The following SF3B1 variants were observed in gnomAD, a reference collection of about 807,000 sequenced individuals.
The protein encoded by SF3B1 is pre-mRNA processing 10.
A neutral mutation model predicts 153.8 loss-of-function variants in SF3B1; 12 were observed. The ratio of observed to expected loss-of-function variants is 0.08; its 90% CI spans 0.05 to 0.13. The LOEUF (loss-of-function observed/expected upper bound fraction) is 0.13, where lower values mean the gene tolerates loss of function less well. Ranked by LOEUF, SF3B1 falls within the 10% of genes least tolerant of loss-of-function variation. The pLI is 1.00. For missense variants in SF3B1, 513 were observed against 1,606.1 expected (o/e 0.32, Z 11.63); for synonymous variants, 498 against 525.2 (o/e 0.95, Z 0.71).
Position 197,392,141 on chromosome 2 carries a change from A to C in SF3B1, c.*162T>G, listed in dbSNP as rs1296920994. On this transcript the variant is annotated 3_prime_UTR_variant, in exon 25 of 25. Transcript: ENST00000335508. ...ACTGGCATTTACTGTTTAACATCAA[A>C]AACAAAGACAGGTTATTTAAAAATC... The C allele has an allele frequency of 2.2e-6, 1 of 456,220 alleles. No homozygotes were observed. Among genetic ancestry groups the C allele is most frequent in the Non-Finnish European group, 3.9e-6 (1 of 258,058 alleles). The allele number at this position is 456,220 out of a possible 1,614,324, so 28.3% of individuals were successfully genotyped here.
In SF3B1 at chr2:197,389,961, A is replaced by C. The variant is rs982973932; in HGVS notation, c.*2342T>G. 9 of 152,270 alleles carry C rather than the reference A, an allele frequency of 5.9e-5. No individual in the cohort carries two copies. The East Asian group carries it at 1.7e-3, about 29-fold the overall frequency. The allele number at this position is 152,270 out of a possible 1,614,324, so 9.4% of individuals were successfully genotyped here. On this transcript the variant is annotated 3_prime_UTR_variant, in exon 25 of 25. Transcript: ENST00000335508. ...ACAGAAAAACCCACCCTGTCTCCTT[A>C]AGAACATTTCTTTGTTTGGCTTTAA... is the stretch of plus-strand genomic sequence containing the variant.
rs2084807616 is a variant in SF3B1 at position 197,391,366 on chromosome 2, G to C, written c.*937C>G. On this transcript the variant is annotated 3_prime_UTR_variant, in exon 25 of 25. Transcript: ENST00000335508. ...CCTTCTCCATTATACTGTTCTTAAA[G>C]GTAGAGGGCAGGTCTCATGCACCTT... The C allele has an allele frequency of 6.6e-6, 1 of 152,174 alleles. No homozygotes were observed. Among genetic ancestry groups the C allele is most frequent in the Non-Finnish European group, 1.5e-5 (1 of 68,034 alleles). The allele number at this position is 152,174 out of a possible 1,614,324, so 9.4% of individuals were successfully genotyped here. A position where few individuals can be genotyped will look rare whatever the true frequency, so the allele number is the denominator to read the frequency against.
chr2:197,408,383 G>GC lies in SF3B1; in HGVS notation c.1102dup (p.Ala368GlyfsTer14). 6.2e-7 allele frequency: 1 copy of GC among 1,614,038 alleles called. No individual in the cohort carries two copies. The highest frequency in any genetic ancestry group is 8.5e-7 in the Non-Finnish European group (1 of 1,179,892). ...GACAGTTCTACCTGGAGTAGGGGTAGCCATGTTCATGGCTGGTGTGCCAAT... is the reference window on the plus strand; with the variant it reads ...GACAGTTCTACCTGGAGTAGGGGTAGCCCATGTTCATGGCTGGTGTGCCAAT... On this transcript the variant is annotated frameshift_variant, in exon 8 of 25. Coordinates refer to ENST00000335508, the MANE Select transcript of SF3B1 (RefSeq NM_012433.4). LOFTEE classifies it high-confidence loss of function.
chr2:197,412,497 A>G (rs2085084719), intron 6 of SF3B1, among the ~76,000 whole-genome samples: 1 of 151,496 alleles, frequency 6.6e-6, no homozygotes, highest in Non-Finnish European at 1.5e-5. Context: ...CTGGGATTAC[A>G]GGTGCCTGCC....
rs1373200379 is a variant in SF3B1 at position 197,391,611 on chromosome 2, A to G, written c.*692T>C. On this transcript the variant is annotated 3_prime_UTR_variant, in exon 25 of 25. Coordinates refer to ENST00000335508, the MANE Select transcript of SF3B1 (RefSeq NM_012433.4). ...ACACAGCAGACCTGTCAAGTGTTGG[A>G]CAAGACTTAAACCACTTTCTTTAAA... is the stretch of plus-strand genomic sequence containing the variant. The G allele has an allele frequency of 1.3e-5, 2 of 152,260 alleles. No homozygotes were observed. The highest frequency in any genetic ancestry group is 4.8e-5 in the African/African-American group (2 of 41,476). The allele number at this position is 152,260 out of a possible 1,614,324, so 9.4% of individuals were successfully genotyped here.
chr2:197,410,941 T>C (rs2085058582), intron 6 of SF3B1, among the ~76,000 whole-genome samples: 1 of 152,170 alleles, frequency 6.6e-6, no homozygotes, highest in African/African-American at 2.4e-5. Flanking sequence ...GAGAGGTGGA[T>C]TTTCATTTGT....
In SF3B1 at chr2:197,411,331, G is replaced by GT. The variant is rs555745253; in HGVS notation, c.667-1325dup. 4.6e-5 allele frequency among the ~76,000 whole-genome samples: 7 copies of GT among 152,266 alleles called. No individual in the cohort carries two copies. In the South Asian group the frequency reaches 1.4e-3, roughly 32 times the overall value. ...AAAATTTGTACTTATATACTGCCTC[G>GT]TAAGTATTCCACAGGATGTGTAATG... On this transcript the variant is annotated intron_variant, in intron 6 of 24. Transcript: ENST00000335508.
At chr2:197,419,754 C>T in intron 4 of SF3B1, 2 of 222,406 alleles carry the variant, frequency 9.0e-6, no homozygotes, top group East Asian at 6.6e-5. Context: ...CTAATTCATG[C>T]AGGCTGAAAA....
chr2:197,396,331 G>T lies in SF3B1; in HGVS notation c.3267-3C>A. Reference sequence around the variant, plus strand: ...GTGTAGCCAATACATCATGAGGGCTGAAAAAAACAAATGGGTCAACAAGCT... The same window carrying T: ...GTGTAGCCAATACATCATGAGGGCTTAAAAAAACAAATGGGTCAACAAGCT... On this transcript the variant is annotated splice_polypyrimidine_tract_variant and splice_region_variant and intron_variant, in intron 22 of 24. Transcript: ENST00000335508. 6.3e-7 allele frequency: 1 copy of T among 1,594,656 alleles called. No individual in the cohort carries two copies. The highest frequency in any genetic ancestry group is 1.1e-5 in the South Asian group (1 of 88,614).
intron 1 of SF3B1, among the ~76,000 whole-genome samples, chr2:197,430,255 G>A (rs1317247301): frequency 2.0e-5 from 3 of 152,100 alleles, no homozygotes; most frequent in African/African-American, 7.2e-5. Flanking sequence ...TGTAATCATG[G>A]TATTATCTTT....
chr2:197,416,565 C>T, intron 6 of SF3B1, 176 bp downstream of exon 6: 1 of 557,024 alleles, frequency 1.8e-6, no homozygotes, highest in South Asian at 2.7e-5. Flanking sequence ...CAAACACCAA[C>T]CCTGTTGGCA....
At chr2:197,414,862 G>C (rs768321027) in intron 6 of SF3B1, among the ~76,000 whole-genome samples, 1 of 152,156 alleles carries the variant, frequency 6.6e-6, no homozygotes, top group African/African-American at 2.4e-5. Flanking sequence ...AAACTAGCCA[G>C]GCATGGTGGT....
chr2:197,424,103 A>T, intron 1 of SF3B1, 129 bp from the exon 2 acceptor site: 1 of 786,160 alleles, frequency 1.3e-6, no homozygotes, highest in Middle Eastern at 2.9e-4. Flanking sequence ...ATTGCACCAT[A>T]TAAGAGACTA....
At chr2:197,412,803 T>C (rs1381622492) in intron 6 of SF3B1, among the ~76,000 whole-genome samples, 2 of 147,682 alleles carry the variant, frequency 1.4e-5, no homozygotes, top group African/African-American at 2.5e-5. Context: ...TGGCCAACAC[T>C]GCGAAACCCT....
chr2:197,407,869 G>A lies in SF3B1; in HGVS notation c.1239+129C>T, dbSNP rs76070530. 1.4e-4 allele frequency: 100 copies of A among 731,214 alleles called. 1 individual carries two copies. In the African/African-American group the frequency reaches 1.6e-3, roughly 12 times the overall value. The allele number at this position is 731,214 out of a possible 1,614,324, so 45.3% of individuals were successfully genotyped here. A position where few individuals can be genotyped will look rare whatever the true frequency, so the allele number is the denominator to read the frequency against. On this transcript the variant is annotated intron_variant, in intron 9 of 24. Transcript: ENST00000335508. ...TCTATATGGAACTGAAATATACCTG[G>A]AAATAGCTAAGAGAATGGAATGACA...
At chr2:197,396,424 T>C in intron 22 of SF3B1, 96 bp from the exon 23 acceptor site, 1 of 973,488 alleles carries the variant, frequency 1.0e-6, no homozygotes, top group South Asian at 1.8e-5. Context: ...TAAGTATTAA[T>C]AATTACAGGG....
intron 22 of SF3B1, 116 bp downstream of exon 22, chr2:197,397,869 C>A: frequency 1.6e-6 from 1 of 621,422 alleles, no homozygotes. Context: ...AGAGCTTTCT[C>A]AACTGCATTA....
chr2:197,393,173 T>C lies in SF3B1; in HGVS notation c.3555A>G (p.Arg1185=), dbSNP rs2084831929. 6.2e-7 allele frequency: 1 copy of C among 1,613,752 alleles called. No individual in the cohort carries two copies. The highest frequency in any genetic ancestry group is 1.7e-4 in the Middle Eastern group (1 of 6,060). The part of the protein sequence containing the change: ...DALMDRDLVH[R]QTASAVVQHM... ...GCTGTACCACTGCACTAGCCGTCTG[T>C]CTGTGTACAAGGTCTCTACAACGGA... Residue 1185 remains arginine, a synonymous_variant, in exon 24 of 25, where the codon AGA becomes AGG. Transcript: ENST00000335508.
At chr2:197,433,065 A>C (rs972846019) in intron 1 of SF3B1, among the ~76,000 whole-genome samples, 1 of 152,226 alleles carries the variant, frequency 6.6e-6, no homozygotes, top group Non-Finnish European at 1.5e-5. Flanking sequence ...GCTTCAGTTT[A>C]TCAAAAATGG....
Sources: allele counts gnomAD v4.1 joint callset (sites outside exome capture counted in the v4.1 genomes callset), GRCh38; gene constraint gnomAD v4.1.1; transcripts MANE v1.5; gene names NCBI Gene and HGNC (gene_info 2026-07-23, HGNC 2026-07-21).